Variants in TSPAN18 observed in about 807,000 individuals in gnomAD.
TSPAN18 encodes the protein tetraspanin 18, also known as tetraspanin-18.
Under a neutral mutation model 27.3 loss-of-function variants are expected in TSPAN18, and 14 were observed. The ratio of observed to expected loss-of-function variants is 0.51; its 90% confidence interval spans 0.34 to 0.80. The LOEUF is 0.80. Ranked by LOEUF, TSPAN18 falls within the 30% of genes least tolerant of loss-of-function variation. The pLI, the probability that TSPAN18 is intolerant of heterozygous loss-of-function variation, is 0.01. For synonymous variants in TSPAN18, 143 were observed against 136.5 expected (o/e 1.05, Z -0.33); for missense variants, 268 against 323.9 (o/e 0.83, Z 1.32).
intron 3 of TSPAN18, among the ~76,000 whole-genome samples, chr11:44,904,398 C>A (rs945697481): frequency 3.9e-5 from 6 of 152,212 alleles, no homozygotes; most frequent in Non-Finnish European, 8.8e-5. Context: ...AAATCCAAAG[C>A]CGATGTGCCT....
At chr11:44,904,439 T>G (rs1469187016) in intron 3 of TSPAN18, among the ~76,000 whole-genome samples, 1 of 152,232 alleles carries the variant, frequency 6.6e-6, no homozygotes, top group Non-Finnish European at 1.5e-5. Flanking sequence ...TCCAGGCACC[T>G]TAGCCATGTC....
At chr11:44,809,133 A>T (rs1665137) in intron 2 of TSPAN18, among the ~76,000 whole-genome samples, 2 of 152,094 alleles carry the variant, frequency 1.3e-5, no homozygotes, top group Admixed American at 6.5e-5. Flanking sequence ...GACTTCCCAC[A>T]GCCACACAGC....
chr11:44,871,367 T>C (rs561435094), intron 3 of TSPAN18, among the ~76,000 whole-genome samples: 1 of 152,246 alleles, frequency 6.6e-6, no homozygotes, highest in South Asian at 2.1e-4. Context: ...GCACTAATCT[T>C]ATTCATGAGG....
intron 5 of TSPAN18, among the ~76,000 whole-genome samples, chr11:44,913,719 A>G (rs1340846329): frequency 1.3e-5 from 2 of 152,262 alleles, no homozygotes; most frequent in African/African-American, 2.4e-5. Context: ...AATGTTCCCA[A>G]CTAGACAACA....
chr11:44,904,909 A>C (rs943226422), intron 3 of TSPAN18, among the ~76,000 whole-genome samples: 1 of 151,864 alleles, frequency 6.6e-6, no homozygotes, highest in African/African-American at 2.4e-5. Context: ...AAATCCCTTA[A>C]CCCTTCTGAG....
intron 3 of TSPAN18, among the ~76,000 whole-genome samples, chr11:44,864,834 G>A (rs771452650): frequency 9.9e-5 from 15 of 152,212 alleles, no homozygotes; most frequent in Non-Finnish European, 1.2e-4. Flanking sequence ...CGCCAAGCCT[G>A]TACATGGAAG....
At chr11:44,755,228 A>G (rs777335493) in intron 1 of TSPAN18, among the ~76,000 whole-genome samples, 2 of 151,984 alleles carry the variant, frequency 1.3e-5, no homozygotes, top group Non-Finnish European at 2.9e-5. Context: ...CCTTGCTGGC[A>G]GTGCCCAGAG....
At chr11:44,759,285 G>A (rs1011864284) in intron 1 of TSPAN18, among the ~76,000 whole-genome samples, 2 of 152,146 alleles carry the variant, frequency 1.3e-5, no homozygotes, top group African/African-American at 2.4e-5. Flanking sequence ...ATTCCTTCCC[G>A]AAGGCCTTAC....
intron 2 of TSPAN18, among the ~76,000 whole-genome samples, chr11:44,806,604 A>T (rs1856598637): frequency 6.6e-6 from 1 of 152,222 alleles, no homozygotes. Context: ...TGTATGATAC[A>T]ACCTCAAACT....
intron 3 of TSPAN18, among the ~76,000 whole-genome samples, chr11:44,887,726 C>T (rs1331178180): frequency 6.6e-6 from 1 of 152,112 alleles, no homozygotes; most frequent in East Asian, 1.9e-4. Context: ...CTGTCTGACA[C>T]TAAATGCACC....
In TSPAN18 at chr11:44,842,039, G is replaced by T. The variant is rs138224056; in HGVS notation, c.-152-18289G>T. ...GCAGCGGGGAAACTGAGCCCCAGAG[G>T]TGGGAAACAGGTTGTTAGCGTCACA... On this transcript the variant is annotated intron_variant, in intron 2 of 9. Transcript: ENST00000520358. Among the ~76,000 whole-genome samples, 686 of 152,306 alleles carry T rather than the reference G, an allele frequency of 4.5e-3. 3 individuals are homozygous for T. Among genetic ancestry groups the T allele is most frequent in the African/African-American group, 0.016 (655 of 41,566 alleles).
chr11:44,751,678 G>A lies in TSPAN18; in HGVS notation c.-239-12748G>A, dbSNP rs1365982792. On this transcript the variant is annotated intron_variant, in intron 1 of 9. Transcript: ENST00000520358. ...CACACCTGTAATCCCAGCACTTTGG[G>A]AGGCCAAGGTGGGTCAGGAGTTGAG... is the stretch of plus-strand genomic sequence containing the variant. 3.3e-5 allele frequency among the ~76,000 whole-genome samples: 5 copies of A among 152,146 alleles called. 1 individual carries two copies. The highest frequency in any genetic ancestry group is 1.2e-4 in the African/African-American group (5 of 41,420).
chr11:44,802,477 C>G (rs1431780934), intron 2 of TSPAN18, among the ~76,000 whole-genome samples: 5 of 152,088 alleles, frequency 3.3e-5, no homozygotes, highest in African/African-American at 1.2e-4. Context: ...AAATAAATCC[C>G]TCTGGCTGCT....
intron 1 of TSPAN18, among the ~76,000 whole-genome samples, chr11:44,753,373 G>T (rs534904561): frequency 1.3e-5 from 2 of 151,800 alleles, no homozygotes; most frequent in Non-Finnish European, 2.9e-5. Flanking sequence ...CTCACGATCC[G>T]CCCGCCTCAG....
chr11:44,763,956 A>G (rs1305956540), intron 1 of TSPAN18, among the ~76,000 whole-genome samples: 1 of 152,174 alleles, frequency 6.6e-6, no homozygotes, highest in Non-Finnish European at 1.5e-5. Context: ...TACAGGAAGC[A>G]TGACAGCATC....
intron 1 of TSPAN18, among the ~76,000 whole-genome samples, chr11:44,763,918 TTTAA>T (rs1855508399): frequency 6.6e-6 from 1 of 152,118 alleles, no homozygotes; most frequent in Admixed American, 6.5e-5. Context: ...TAAAAAAAGA[TTTAA>T]TTGGCTCACA....
chr11:44,762,223 C>T (rs192815439), intron 1 of TSPAN18, among the ~76,000 whole-genome samples: 9 of 152,288 alleles, frequency 5.9e-5, no homozygotes, highest in African/African-American at 1.4e-4. Context: ...TGGAAATATT[C>T]GACACAGCCA....
chr11:44,902,459 G>A (rs939894961), intron 3 of TSPAN18, among the ~76,000 whole-genome samples: 18 of 152,336 alleles, frequency 1.2e-4, no homozygotes, highest in African/African-American at 4.3e-4. Context: ...TATCCTGGGG[G>A]ACCGTTCTGT....
intron 4 of TSPAN18, among the ~76,000 whole-genome samples, chr11:44,907,035 G>C (rs1186573375): frequency 6.6e-6 from 1 of 152,176 alleles, no homozygotes; most frequent in Non-Finnish European, 1.5e-5. Flanking sequence ...TCCTCAACAG[G>C]CTTTTTGAAA....
Sources: gnomAD v4.1 joint callset for allele counts (sites outside exome capture counted in the v4.1 genomes callset) on GRCh38, gnomAD v4.1.1 for gene constraint, MANE v1.5 for transcripts, NCBI Gene and HGNC (gene_info 2026-07-23, HGNC 2026-07-21) for gene names.